Variants in CACHD1 observed in about 807,000 individuals in gnomAD.
The protein encoded by CACHD1 is cache domain containing 1.
CACHD1 carries 71 observed loss-of-function variants against 138.7 expected under a neutral mutation model. The observed-to-expected ratio is 0.51, with a 90% CI of 0.42 to 0.62. The LOEUF (loss-of-function observed/expected upper bound fraction) is 0.62. Ranked by LOEUF, CACHD1 falls within the 20% of genes least tolerant of loss-of-function variation. The pLI, the probability that CACHD1 is intolerant of heterozygous loss-of-function variation, is 0.00. For missense variants in CACHD1, 1,389 were observed against 1,625.3 expected (o/e 0.85, Z 2.50); for synonymous variants, 578 against 591.5 (o/e 0.98, Z 0.33).
At chr1:64,572,114 C>T (rs1006634471) in intron 2 of CACHD1, among the ~76,000 whole-genome samples, 4 of 152,138 alleles carry the variant, frequency 2.6e-5, no homozygotes, top group East Asian at 1.9e-4. Flanking sequence ...CCCAAGTTCA[C>T]GAACCCATAG....
At chr1:64,600,620 A>G (rs962779219) in intron 3 of CACHD1, among the ~76,000 whole-genome samples, 6 of 152,234 alleles carry the variant, frequency 3.9e-5, no homozygotes, top group Admixed American at 1.3e-4. Flanking sequence ...CAATGTATGC[A>G]GTGGTGAACA....
intron 3 of CACHD1, among the ~76,000 whole-genome samples, chr1:64,590,053 A>G (rs916700228): frequency 1.3e-5 from 2 of 152,162 alleles, no homozygotes; most frequent in Non-Finnish European, 2.9e-5. Flanking sequence ...CACGCCTGTA[A>G]TCCCAACACT....
intron 1 of CACHD1, among the ~76,000 whole-genome samples, chr1:64,522,406 C>T (rs889519034): frequency 6.6e-5 from 10 of 151,962 alleles, no homozygotes; most frequent in Non-Finnish European, 1.2e-4. Flanking sequence ...CTCCTGGGTT[C>T]AAGCAATTCT....
chr1:64,673,125 T>G, intron 17 of CACHD1, 33 bp from the exon 18 acceptor site: 2 of 1,506,834 alleles, frequency 1.3e-6, no homozygotes, highest in Admixed American at 1.8e-5. Context: ...AAACAGCTGA[T>G]ATGAATGAGG....
In CACHD1 at chr1:64,673,468, A is replaced by G. The variant is rs765274344; in HGVS notation, c.2727+4A>G. 3.8e-6 allele frequency: 6 copies of G among 1,597,282 alleles called. No homozygotes were observed. The highest frequency in any genetic ancestry group is 3.4e-6 in the Non-Finnish European group (4 of 1,164,636). Reference sequence around the variant, plus strand: ...TAAATTCAACACCAGCCTTGCGGTAAGTTGATCTGATTCCTTAACACTCTC... The same window carrying G: ...TAAATTCAACACCAGCCTTGCGGTAGGTTGATCTGATTCCTTAACACTCTC... On this transcript the variant is annotated splice_donor_region_variant and intron_variant, in intron 19 of 26. Transcript: ENST00000651257.
chr1:64,515,298 A>C (rs1646450653), intron 1 of CACHD1, among the ~76,000 whole-genome samples: 1 of 152,168 alleles, frequency 6.6e-6, no homozygotes, highest in South Asian at 2.1e-4. Flanking sequence ...ACAATTGGGG[A>C]GCTATGGAAG....
At chr1:64,548,392 T>C (rs1238000571) in intron 1 of CACHD1, among the ~76,000 whole-genome samples, 3 of 152,210 alleles carry the variant, frequency 2.0e-5, no homozygotes, top group African/African-American at 4.8e-5. Context: ...TTACTTTTAA[T>C]ACAAATGTAC....
At chr1:64,542,884 T>C (rs2100432518) in intron 1 of CACHD1, among the ~76,000 whole-genome samples, 1 of 152,130 alleles carries the variant, frequency 6.6e-6, no homozygotes, top group Admixed American at 6.6e-5. Context: ...TAAAGGTCAT[T>C]GTAAATATTA....
chr1:64,601,555 G>A (rs1647214534), intron 3 of CACHD1, among the ~76,000 whole-genome samples: 1 of 152,204 alleles, frequency 6.6e-6, no homozygotes, highest in African/African-American at 2.4e-5. Flanking sequence ...TCTTTGAGAT[G>A]GTATGAAATA....
chr1:64,574,182 T>G (rs767286262), intron 2 of CACHD1, among the ~76,000 whole-genome samples: 1 of 152,178 alleles, frequency 6.6e-6, no homozygotes, highest in African/African-American at 2.4e-5. Flanking sequence ...AGCTAGAGAT[T>G]AGAAGAAAAG....
intron 1 of CACHD1, among the ~76,000 whole-genome samples, chr1:64,486,404 A>G (rs1646243448): frequency 6.6e-6 from 1 of 151,790 alleles, no homozygotes; most frequent in Non-Finnish European, 1.5e-5. Context: ...ACACATACAC[A>G]CACACACATA....
chr1:64,495,096 A>G (rs1015906969), intron 1 of CACHD1, among the ~76,000 whole-genome samples: 8 of 152,176 alleles, frequency 5.3e-5, no homozygotes, highest in African/African-American at 7.2e-5. Context: ...GAAATACTTT[A>G]CAGATCCAGT....
Position 64,610,150 on chromosome 1 carries a change from A to C in CACHD1, c.517+7238A>C, listed in dbSNP as rs1647477139. The stretch of plus-strand genomic sequence containing the variant: ...CATCCCCATGATTCAGTTACCTCCC[A>C]CTGGGTCCCTCCCATGACACATGGG... On this transcript the variant is annotated intron_variant, in intron 4 of 26. Coordinates refer to ENST00000651257, the MANE Select transcript of CACHD1 (RefSeq NM_020925.4). 1.3e-5 allele frequency among the ~76,000 whole-genome samples: 2 copies of C among 152,198 alleles called. 1 individual carries two copies. Among genetic ancestry groups the C allele is most frequent in the Non-Finnish European group, 2.9e-5 (2 of 68,032 alleles).
At chr1:64,658,677 G>T (rs755141460) in intron 12 of CACHD1, 28 bp from the exon 13 acceptor site, 45 of 1,568,784 alleles carry the variant, frequency 2.9e-5, no homozygotes, top group Non-Finnish European at 3.8e-5. Context: ...CATTTTCTAG[G>T]TCAGAAATTC....
chr1:64,614,797 G>T (rs1029452777), intron 4 of CACHD1, among the ~76,000 whole-genome samples: 1 of 152,078 alleles, frequency 6.6e-6, no homozygotes, highest in Non-Finnish European at 1.5e-5. Flanking sequence ...TTTTTCCCCT[G>T]CTACTGTGGT....
chr1:64,504,377 A>G (rs1312194006), intron 1 of CACHD1, among the ~76,000 whole-genome samples: 1 of 152,226 alleles, frequency 6.6e-6, no homozygotes, highest in Non-Finnish European at 1.5e-5. Flanking sequence ...CTTAAATGTG[A>G]CACAACATTT....
At chr1:64,598,657 A>G (rs1436751) in intron 3 of CACHD1, among the ~76,000 whole-genome samples, 53,015 of 151,930 alleles carry the variant, frequency 0.35, 10,259 homozygotes, top group African/African-American at 0.52. Context: ...AGCTACATGG[A>G]TAGGGTTTAG....
chr1:64,636,823 C>A (rs181242521), intron 7 of CACHD1, among the ~76,000 whole-genome samples: 40 of 152,254 alleles, frequency 2.6e-4, no homozygotes, highest in African/African-American at 9.4e-4. Flanking sequence ...TTTGCAAGCA[C>A]CATCACAGGA....
At chr1:64,644,429 G>T (rs1012019251) in intron 8 of CACHD1, among the ~76,000 whole-genome samples, 1 of 152,172 alleles carries the variant, frequency 6.6e-6, no homozygotes, top group African/African-American at 2.4e-5. Context: ...GAGGAGTAAG[G>T]AGGCCCAAAA....
Sources: gnomAD v4.1 joint callset for allele counts (sites outside exome capture counted in the v4.1 genomes callset) on GRCh38, gnomAD v4.1.1 for gene constraint, MANE v1.5 for transcripts, NCBI Gene and HGNC (gene_info 2026-07-23, HGNC 2026-07-21) for gene names.